Variants in TMEM63C observed in about 807,000 individuals in gnomAD.
TMEM63C encodes transmembrane protein 63C.
In TMEM63C, 32 loss-of-function variants were observed where a neutral mutation model predicts 99.2. The observed-to-expected ratio is 0.32, with a 90% CI of 0.24 to 0.43. The LOEUF (loss-of-function observed/expected upper bound fraction) is 0.43. TMEM63C is among the 20% of genes least tolerant of loss of function. TMEM63C has a pLI of 1.00. For missense variants in TMEM63C, 826 were observed against 1,053.0 expected, an observed-to-expected ratio of 0.78 and a Z score of 2.98; for synonymous variants, 376 against 397.9, an observed-to-expected ratio of 0.94 and a Z score of 0.66.
Position 77,219,652 on chromosome 14 carries a change from G to A in TMEM63C, c.230+75G>A, listed in dbSNP as rs868518472. On this transcript the variant is annotated intron_variant, in intron 4 of 23. Transcript: ENST00000298351. The stretch of plus-strand genomic sequence containing the variant: ...GTTGCCATGGCCAGGACGCAGCTCT[G>A]CCCAGCGCCCGAGCTGCAGCAGGTG... 72 of 1,484,756 alleles carry A rather than the reference G, an allele frequency of 4.8e-5. 1 individual carries two copies. The Middle Eastern group carries it at 1.7e-3, about 36-fold the overall frequency. The allele number at this position is 1,484,756 out of a possible 1,614,324, so 92.0% of individuals were successfully genotyped here.
chr14:77,239,530 G>T (rs772113592), intron 11 of TMEM63C, 38 bp downstream of exon 11: 17 of 1,612,414 alleles, frequency 1.1e-5, no homozygotes, highest in Non-Finnish European at 1.4e-5. Flanking sequence ...CCCGGGGTGG[G>T]GGTAAAAGGG....
intron 21 of TMEM63C, among the ~76,000 whole-genome samples, chr14:77,250,409 G>A (rs796173317): frequency 4.6e-5 from 7 of 151,912 alleles, no homozygotes; most frequent in African/African-American, 1.7e-4. Context: ...GGTGGGAGAA[G>A]GGAGACGCGG....
At chr14:77,231,467 T>TAAA in intron 6 of TMEM63C, 121 bp from the exon 7 acceptor site, 169 of 962,552 alleles carry the variant, frequency 1.8e-4, no homozygotes, top group Non-Finnish European at 2.2e-4. Flanking sequence ...ATAGAGATAG[T>TAAA]AAAAAAAAAA....
chr14:77,226,522 G>A (rs1287958300), intron 6 of TMEM63C, among the ~76,000 whole-genome samples: 1 of 152,196 alleles, frequency 6.6e-6, no homozygotes, highest in Non-Finnish European at 1.5e-5. Context: ...ATGTGGGGAA[G>A]AGAGAAATTA....
intron 1 of TMEM63C, among the ~76,000 whole-genome samples, chr14:77,201,328 G>A (rs2140097239): frequency 6.6e-6 from 1 of 152,310 alleles, no homozygotes; most frequent in African/African-American, 2.4e-5. Context: ...TTGAGTTCAG[G>A]GAACAGAGTC....
chr14:77,231,351 G>C (rs1190959824), intron 6 of TMEM63C, among the ~76,000 whole-genome samples: 1 of 152,110 alleles, frequency 6.6e-6, no homozygotes, highest in Admixed American at 6.5e-5. Flanking sequence ...ATCTGTAACA[G>C]AGCCCCTATC....
intron 1 of TMEM63C, among the ~76,000 whole-genome samples, chr14:77,198,817 T>G (rs536743498): frequency 5.2e-4 from 79 of 152,218 alleles, no homozygotes; most frequent in African/African-American, 1.8e-3. Flanking sequence ...GGAGGCTCGG[T>G]GCTGCCAAGC....
chr14:77,249,427 C>T lies in TMEM63C; in HGVS notation c.2007C>T (p.Phe669=). 3.1e-6 allele frequency: 5 copies of T among 1,614,064 alleles called. No homozygotes were observed. The highest frequency in any genetic ancestry group is 4.2e-6 in the Non-Finnish European group (5 of 1,179,910). The part of the protein sequence containing the change: ...QAIFAPLLGL[F]WMLFFSILRL... ...TCTTTGCGCCACTCTTGGGTCTGTT[C>T]TGGATGCTGTTCTTCTCCATCCTGC... The change falls in exon 21 of 24, where the codon TTC becomes TTT. Residue 669 remains phenylalanine (F), a synonymous_variant. Transcript: ENST00000298351.
At chr14:77,217,018 A>G (rs963019638) in intron 2 of TMEM63C, among the ~76,000 whole-genome samples, 1 of 151,980 alleles carries the variant, frequency 6.6e-6, no homozygotes, top group Non-Finnish European at 1.5e-5. Flanking sequence ...AAATTTTAAG[A>G]ATTAGCCTGG....
Position 77,245,141 on chromosome 14 carries a change from A to G in TMEM63C, c.1448+686A>G, listed in dbSNP as rs182768522. On this transcript the variant is annotated intron_variant, in intron 16 of 23. Coordinates refer to ENST00000298351, the MANE Select transcript of TMEM63C (RefSeq NM_020431.4). ...TCCTTCCTGGCCTTTTCCTCTGGCC[A>G]AGAACAAGACTTATATTGATGACTG... Among the ~76,000 whole-genome samples, 25 of 152,392 alleles carry G rather than the reference A, an allele frequency of 1.6e-4. No homozygotes were observed. The East Asian group carries it at 4.8e-3, about 29-fold the overall frequency.
At chr14:77,231,871 A>G (rs376281) in intron 7 of TMEM63C, 141 bp downstream of exon 7, 467,704 of 985,966 alleles carry the variant, frequency 0.47, 116,867 homozygotes, top group East Asian at 0.79. Flanking sequence ...ACTTGAACAA[A>G]CCATGCTTCG....
chr14:77,244,533 C>A, intron 16 of TMEM63C, 78 bp downstream of exon 16: 1 of 1,126,262 alleles, frequency 8.9e-7, no homozygotes, highest in Non-Finnish European at 1.3e-6. Context: ...GCCAGCCTGG[C>A]ACTTGGGCCT....
chr14:77,227,982 C>T (rs1888860615), intron 6 of TMEM63C, among the ~76,000 whole-genome samples: 1 of 152,106 alleles, frequency 6.6e-6, no homozygotes, highest in South Asian at 2.1e-4. Context: ...CCAACAAGCA[C>T]TTGAGCCTGG....
rs1375108081 is a variant in TMEM63C at position 77,248,802 on chromosome 14, T to C, written c.1800T>C (p.Tyr600=). The change falls in exon 20 of 24, where the codon TAT becomes TAC. Residue 600 remains tyrosine, a synonymous_variant. Coordinates refer to ENST00000298351, the MANE Select transcript of TMEM63C (RefSeq NM_020431.4). ...TAGACTTCCAGTTTGGGCGTGAGTA[T>C]GCGTGGATGATGAACGTGTTCAGCG... ...QAIDFQFGRE[Y]AWMMNVFSVV... 58 of 1,613,940 alleles carry C rather than the reference T, an allele frequency of 3.6e-5. No homozygotes were observed. The highest frequency in any genetic ancestry group is 4.8e-5 in the Non-Finnish European group (57 of 1,179,912).
chr14:77,216,134 G>GAC (rs1321159674), intron 2 of TMEM63C, among the ~76,000 whole-genome samples: 2 of 147,578 alleles, frequency 1.4e-5, no homozygotes, highest in Non-Finnish European at 3.0e-5. Context: ...GAGGGAGAGA[G>GAC]AGAGAGAGAG....
At chr14:77,251,933 T>C in intron 22 of TMEM63C, 35 bp downstream of exon 22, 1 of 1,530,240 alleles carries the variant, frequency 6.5e-7, no homozygotes, top group Non-Finnish European at 9.1e-7. Flanking sequence ...CCTGGTTCTC[T>C]TGGTCCCTGG....
chr14:77,242,540 T>TTC, intron 14 of TMEM63C, 71 bp downstream of exon 14: 1 of 1,572,070 alleles, frequency 6.4e-7, no homozygotes, highest in Non-Finnish European at 8.7e-7. Flanking sequence ...GGACAGGGCC[T>TTC]TCTCTCCCCA....
chr14:77,216,127 G>GAA (rs1555347283), intron 2 of TMEM63C, among the ~76,000 whole-genome samples: 4 of 148,998 alleles, frequency 2.7e-5, no homozygotes, highest in African/African-American at 7.4e-5. Context: ...AAGGAGGGAG[G>GAA]GAGAGAGAGA....
Position 77,218,792 on chromosome 14 carries a change from GT to G in TMEM63C, c.-13-6del. The G allele has an allele frequency of 6.2e-7, 1 of 1,612,208 alleles. No individual in the cohort carries two copies. Among genetic ancestry groups the G allele is most frequent in the Non-Finnish European group, 8.5e-7 (1 of 1,179,254 alleles). The stretch of plus-strand genomic sequence containing the variant: ...TTTGCATCTGACCTGGATGCCCTCT[GT>G]TTCCCAGGGATCCTCCCAGGATGTC... On this transcript the variant is annotated splice_polypyrimidine_tract_variant and splice_region_variant and intron_variant, in intron 2 of 23. Coordinates refer to ENST00000298351, the MANE Select transcript of TMEM63C (RefSeq NM_020431.4).
Sources: allele counts gnomAD v4.1 joint callset (sites outside exome capture counted in the v4.1 genomes callset), GRCh38; gene constraint gnomAD v4.1.1; transcripts MANE v1.5; gene names NCBI Gene and HGNC (gene_info 2026-07-23, HGNC 2026-07-21).